Variants in RORA observed in about 807,000 individuals in gnomAD.
RORA encodes RAR related orphan receptor A.
In RORA, 7 loss-of-function variants were observed where a neutral mutation model predicts 69.5. The observed-to-expected ratio is 0.10, with a 90% CI of 0.06 to 0.19. RORA has a LOEUF of 0.19. RORA is among the 10% of genes least tolerant of loss of function. The probability of loss-of-function intolerance (pLI) is 1.00; values close to 1 mark genes in which losing one functional copy is unlikely to be tolerated. For missense variants in RORA, 457 were observed against 663.0 expected, an observed-to-expected ratio of 0.69 and a Z score of 3.41; for synonymous variants, 261 against 240.8, an observed-to-expected ratio of 1.08 and a Z score of -0.78.
At chr15:60,720,341 A>T (rs971500649) in intron 1 of RORA, among the ~76,000 whole-genome samples, 5 of 152,190 alleles carry the variant, frequency 3.3e-5, no homozygotes, top group Non-Finnish European at 5.9e-5. Flanking sequence ...CGAGAGTCCT[A>T]TTTGGGTTGT....
chr15:61,061,526 C>T lies in RORA; in HGVS notation c.166+167527G>A, dbSNP rs1268160655. Among the ~76,000 whole-genome samples the T allele has an allele frequency of 6.6e-6, 1 of 152,052 alleles. No individual in the cohort carries two copies. The highest frequency in any genetic ancestry group is 1.5e-5 in the Non-Finnish European group (1 of 68,006). Reference sequence around the variant, plus strand: ...GCCAGGATAGACAAACTTCTGACCTCGCCCCTCATTCTAAAGTGTAATTCC... The same window carrying T: ...GCCAGGATAGACAAACTTCTGACCTTGCCCCTCATTCTAAAGTGTAATTCC... On this transcript the variant is annotated intron_variant, in intron 1 of 10. Transcript: ENST00000335670. The surrounding 1 kb of genome is among the most constrained non-coding windows in gnomAD (Gnocchi z 4.4).
rs1202981753 is a variant in RORA, at chr15:60,534,603, GTA to G, written c.197-2754_197-2753del. Among the ~76,000 whole-genome samples the G allele has an allele frequency of 3.9e-5, 6 of 152,156 alleles. No homozygotes were observed. The highest frequency in any genetic ancestry group is 5.9e-5 in the Non-Finnish European group (4 of 68,010). On this transcript the variant is annotated intron_variant, in intron 2 of 10. Coordinates refer to ENST00000335670, the MANE Select transcript of RORA (RefSeq NM_134261.3). The surrounding 1 kb of genome is among the most constrained non-coding windows in gnomAD (Gnocchi z 5.0). ...TCACCGGGAATCTCTCGGTAAGGTG[GTA>G]GAAGGGTTTCTGGATAGCAAGTTGA...
At chr15:60,971,463 A>T (rs764600204) in intron 1 of RORA, among the ~76,000 whole-genome samples, 29 of 152,180 alleles carry the variant, frequency 1.9e-4, no homozygotes, top group Non-Finnish European at 3.7e-4. Context: ...GAGGATGCGG[A>T]TGTCCAACAT....
intron 1 of RORA, among the ~76,000 whole-genome samples, chr15:60,882,420 G>T (rs1015935193): frequency 6.6e-6 from 1 of 152,162 alleles, no homozygotes; most frequent in Non-Finnish European, 1.5e-5. Context: ...CAAAATGTCA[G>T]TAGTGCTGAG....
intron 1 of RORA, among the ~76,000 whole-genome samples, chr15:61,133,543 C>T (rs139435462): frequency 6.6e-6 from 1 of 152,106 alleles, no homozygotes; most frequent in Non-Finnish European, 1.5e-5. Flanking sequence ...GAATGAGGTC[C>T]GCTGACTCTA....
intron 1 of RORA, among the ~76,000 whole-genome samples, chr15:60,679,834 G>A (rs2070615585): frequency 1.3e-5 from 2 of 152,134 alleles, no homozygotes; most frequent in African/African-American, 4.8e-5. Context: ...CTTTCCAAAG[G>A]ACTTATTTAG....
intron 1 of RORA, among the ~76,000 whole-genome samples, chr15:60,937,249 T>C (rs60113550): frequency 0.016 from 2,377 of 152,304 alleles, 58 homozygotes; most frequent in African/African-American, 0.054. Context: ...GTGAGAACTT[T>C]AGGACCAGTG....
chr15:60,706,057 TA>T (rs1209740701), intron 1 of RORA, among the ~76,000 whole-genome samples: 1 of 152,144 alleles, frequency 6.6e-6, no homozygotes, highest in African/African-American at 2.4e-5. Context: ...CACGCATAGT[TA>T]TTTAGGCTAG....
chr15:60,666,660 A>C (rs1257495290), intron 2 of RORA, among the ~76,000 whole-genome samples: 1 of 152,158 alleles, frequency 6.6e-6, no homozygotes, highest in African/African-American at 2.4e-5. Context: ...ATGGAGCAAT[A>C]AGACTTTATA....
intron 1 of RORA, among the ~76,000 whole-genome samples, chr15:61,033,746 G>A (rs540691721): frequency 6.6e-6 from 1 of 152,170 alleles, no homozygotes; most frequent in East Asian, 1.9e-4. Context: ...AGATTTTCCA[G>A]ATTTAGTATG....
intron 1 of RORA, among the ~76,000 whole-genome samples, chr15:61,109,689 C>T (rs976595992): frequency 6.6e-6 from 1 of 152,070 alleles, no homozygotes; most frequent in South Asian, 2.1e-4. Flanking sequence ...CAGAATAGTA[C>T]GCTTGTTAAA....
intron 2 of RORA, among the ~76,000 whole-genome samples, chr15:60,596,486 A>G (rs1430669651): frequency 6.6e-6 from 1 of 152,262 alleles, no homozygotes; most frequent in East Asian, 1.9e-4. Context: ...CAGGGGACCA[A>G]GTTTCCTATA....
At chr15:61,106,423 T>C (rs1298533122) in intron 1 of RORA, among the ~76,000 whole-genome samples, 1 of 152,188 alleles carries the variant, frequency 6.6e-6, no homozygotes, top group Admixed American at 6.5e-5. Flanking sequence ...CCGTTAAGTA[T>C]TTACCAAACA....
At chr15:61,087,505 C>CT (rs1175208192) in intron 1 of RORA, among the ~76,000 whole-genome samples, 1 of 152,176 alleles carries the variant, frequency 6.6e-6, no homozygotes, top group African/African-American at 2.4e-5. Flanking sequence ...AATTTAAGTA[C>CT]TGAAAATTTA....
chr15:60,593,531 C>T (rs1166685703), intron 2 of RORA: 2 of 152,236 alleles, frequency 1.3e-5, no homozygotes, highest in African/African-American at 4.8e-5. Context: ...TTCTTACTGT[C>T]CTTACGGAAC....
intron 10 of RORA, among the ~76,000 whole-genome samples, chr15:60,498,461 A>G (rs1356934885): frequency 1.3e-5 from 2 of 152,202 alleles, no homozygotes; most frequent in Non-Finnish European, 2.9e-5. Flanking sequence ...TAATAAAGCA[A>G]TGCTGGGTCT....
chr15:60,816,852 G>T (rs938522209), intron 1 of RORA, among the ~76,000 whole-genome samples: 1 of 151,780 alleles, frequency 6.6e-6, no homozygotes, highest in African/African-American at 2.4e-5. Flanking sequence ...TTTTCTAATG[G>T]GTTAACATTT....
chr15:60,627,234 T>C lies in RORA; in HGVS notation c.196+51423A>G, dbSNP rs1212080041. ...GCAAAGAACTTGCTCTCAGTGGCTCTTACCTTCTGGCTCCTTCACCTGCAG... is the reference window on the plus strand; with the variant it reads ...GCAAAGAACTTGCTCTCAGTGGCTCCTACCTTCTGGCTCCTTCACCTGCAG... On this transcript the variant is annotated intron_variant, in intron 2 of 10. Coordinates refer to ENST00000335670, the MANE Select transcript of RORA (RefSeq NM_134261.3). 3 of 1,614,058 alleles carry C rather than the reference T, an allele frequency of 1.9e-6. No homozygotes were observed. In the Admixed American group the frequency reaches 5.0e-5, roughly 27 times the overall value.
intron 2 of RORA, among the ~76,000 whole-genome samples, chr15:60,590,175 A>ATCTCTCTCTCTCTCTCTCTCTCTCTCTC (rs56192812): frequency 2.1e-4 from 31 of 146,804 alleles, no homozygotes; most frequent in African/African-American, 7.3e-4. Context: ...CTCTTCCTCT[A>ATCTCTCTCTCTCTCTCTCTCTCTCTCTC]TCTCTCTCTC....
Sources: gnomAD v4.1 joint callset for allele counts (sites outside exome capture counted in the v4.1 genomes callset) on GRCh38, gnomAD v4.1.1 for gene constraint, Gnocchi (gnomAD v3.1) non-coding constraint, MANE v1.5 for transcripts, NCBI Gene and HGNC (gene_info 2026-07-23, HGNC 2026-07-21) for gene names.